LIG1: variants seen among roughly 807,000 people sequenced by gnomAD.
The protein encoded by LIG1 is DNA ligase 1.
Under a neutral mutation model 115.7 loss-of-function variants are expected in LIG1, and 70 were observed. The ratio of observed to expected loss-of-function variants is 0.60; its 90% CI spans 0.50 to 0.74. The LOEUF is 0.74. Ranked by LOEUF, LIG1 falls within the 30% of genes least tolerant of loss-of-function variation. The pLI, the probability that LIG1 is intolerant of heterozygous loss-of-function variation, is 0.00. For missense variants in LIG1, 1,115 were observed against 1,225.6 expected (o/e 0.91, Z 1.35); for synonymous variants, 487 against 495.3 (o/e 0.98, Z 0.22).
intron 5 of LIG1, 185 bp from the exon 6 acceptor site, chr19:48,154,152 C>A: frequency 3.1e-6 from 2 of 644,530 alleles, no homozygotes; most frequent in South Asian, 3.2e-5. Flanking sequence ...GGCTGTGTGA[C>A]CTTGGGCAGG....
At chr19:48,128,088 G>A in intron 19 of LIG1, 68 bp from the exon 20 acceptor site, 1 of 1,230,292 alleles carries the variant, frequency 8.1e-7, no homozygotes, top group South Asian at 1.2e-5. Flanking sequence ...ACAAACACGG[G>A]GAGATAAATT....
intron 4 of LIG1, among the ~76,000 whole-genome samples, chr19:48,157,898 T>G (rs1299640245): frequency 6.6e-6 from 1 of 152,190 alleles, no homozygotes; most frequent in African/African-American, 2.4e-5. Flanking sequence ...TGTTGCAATT[T>G]GGTCTCCAAT....
intron 5 of LIG1, among the ~76,000 whole-genome samples, chr19:48,156,724 C>T (rs1211380217): frequency 4.6e-5 from 7 of 151,760 alleles, no homozygotes; most frequent in Non-Finnish European, 1.0e-4. Flanking sequence ...AGGCGGATCA[C>T]GAGGTCAGGA....
At chr19:48,133,956 TG>T in intron 17 of LIG1, 24 bp downstream of exon 17, 1 of 1,545,034 alleles carries the variant, frequency 6.5e-7, no homozygotes, top group Non-Finnish European at 8.8e-7. Context: ...GCTGCCAGGC[TG>T]GTGAGCGCCC....
At chr19:48,165,476 T>C in intron 2 of LIG1, 74 bp downstream of exon 2, 2 of 1,212,640 alleles carry the variant, frequency 1.6e-6, no homozygotes, top group East Asian at 2.3e-5. Flanking sequence ...TGTTTGTTTT[T>C]TTAAGTACAG....
rs747665726 is a variant in LIG1 at position 48,128,015 on chromosome 19, T to C, written c.1827A>G (p.Lys609=). 3.1e-6 allele frequency: 5 copies of C among 1,613,050 alleles called. No individual in the cohort carries two copies. The South Asian group carries it at 5.5e-5, about 18-fold the overall frequency. The stretch of plus-strand genomic sequence containing the variant: ...GGATGAAGGATGTGACCGATGGGAG[T>C]TTAATCTGAAAAGTGAAGGGAGAGA... The part of the protein sequence containing the change: ...PDIISRIPKI[K]LPSVTSFILD... The change falls in exon 20 of 28, where the codon AAA becomes AAG. Residue 609 remains lysine, a synonymous_variant. Coordinates refer to ENST00000263274, the MANE Select transcript of LIG1 (RefSeq NM_000234.3).
intron 20 of LIG1, 91 bp downstream of exon 20, chr19:48,127,819 C>A: frequency 1.9e-6 from 2 of 1,064,320 alleles, no homozygotes; most frequent in Non-Finnish European, 2.9e-6. Flanking sequence ...ACACTCTGCC[C>A]TTCTGGGCAC....
At position 48,115,572 on chromosome 19, in the gene LIG1, C is replaced by T. The variant is rs891303773; in HGVS notation, c.*77G>A. On this transcript the variant is annotated 3_prime_UTR_variant, in exon 28 of 28. Transcript: ENST00000263274. ...TCCACAGCCTGCCACAGCAGATTTG[C>T]TAAAAAGCAAAGGCAATAATAACCC... 4.4e-6 allele frequency: 5 copies of T among 1,131,162 alleles called. No homozygotes were observed. The highest frequency in any genetic ancestry group is 2.0e-4 in the Middle Eastern group (1 of 5,098). 70.1% of individuals were successfully genotyped at this position (1,131,162 alleles called of 1,614,324 possible). A position where few individuals can be genotyped will look rare whatever the true frequency, so the allele number is the denominator to read the frequency against.
intron 11 of LIG1, 123 bp from the exon 12 acceptor site, chr19:48,140,266 G>A (rs970224460): frequency 1.9e-5 from 13 of 697,586 alleles, no homozygotes; most frequent in South Asian, 1.2e-4. Context: ...AAAGGGCTCA[G>A]AACAGTCCCA....
intron 21 of LIG1, 158 bp downstream of exon 21, chr19:48,127,119 G>C (rs2033722454): frequency 2.9e-6 from 2 of 682,136 alleles, no homozygotes; most frequent in South Asian, 1.5e-5. Flanking sequence ...AGGAACCTCA[G>C]GGGTCCTCAG....
chr19:48,144,960 AG>A (rs1265688612), intron 9 of LIG1, among the ~76,000 whole-genome samples: 1 of 151,882 alleles, frequency 6.6e-6, no homozygotes, highest in African/African-American at 2.4e-5. Context: ...CGCCCAGGCT[AG>A]AGTGCAGTGG....
chr19:48,126,599 CTT>C (rs934799617), intron 21 of LIG1, among the ~76,000 whole-genome samples: 13 of 143,172 alleles, frequency 9.1e-5, no homozygotes, highest in African/African-American at 3.2e-4. Context: ...GAGCAAGACT[CTT>C]ATCTCAAAAA....
Position 48,150,075 on chromosome 19 carries a change from A to C in LIG1, c.697+13T>G. 6.2e-7 allele frequency: 1 copy of C among 1,614,110 alleles called. No homozygotes were observed. Among genetic ancestry groups the C allele is most frequent in the Non-Finnish European group, 8.5e-7 (1 of 1,180,002 alleles). On this transcript the variant is annotated intron_variant, in intron 8 of 27. Transcript: ENST00000263274. ...TACAACCCCGGGAGGTGGGGTGAGC[A>C]AGGGAAACTCACTGAAGAAGCTGCT...
chr19:48,157,080 T>C lies in LIG1; in HGVS notation c.304A>G (p.Asn102Asp). The stretch of plus-strand genomic sequence containing the variant: ...GGAGAGGTGTCAGAGAGGGAAGCAT[T>C]GTTCTCAGGAGATGTGGCAGGACGG... ...PPRPATSPENNASLSDTSPMD... is the reference protein window; with the variant it reads ...PPRPATSPENDASLSDTSPMD... The change falls in exon 5 of 28, where the codon AAT (asparagine) becomes GAT (aspartate). Residue 102 changes from asparagine (N) to aspartate (D), a missense_variant. By Grantham distance (23) the Asn-to-Asp change is conservative. Coordinates refer to ENST00000263274, the MANE Select transcript of LIG1 (RefSeq NM_000234.3). 1 of 1,613,072 alleles carries C rather than the reference T, an allele frequency of 6.2e-7. No individual in the cohort carries two copies. The highest frequency in any genetic ancestry group is 1.1e-5 in the South Asian group (1 of 91,066).
chr19:48,165,486 G>T, intron 2 of LIG1, 64 bp downstream of exon 2: 1 of 1,260,470 alleles, frequency 7.9e-7, no homozygotes, highest in Non-Finnish European at 1.2e-6. Flanking sequence ...TTTAAGTACA[G>T]ATTTAGAGAA....
At chr19:48,121,573 G>T (rs374767055) in intron 23 of LIG1, among the ~76,000 whole-genome samples, 1 of 152,098 alleles carries the variant, frequency 6.6e-6, no homozygotes, top group Non-Finnish European at 1.5e-5. Context: ...AGGCCGAGGC[G>T]GGTGGATCAC....
chr19:48,133,072 G>A lies in LIG1; in HGVS notation c.1635C>T (p.Ala545=), dbSNP rs1022830495. Residue 545 remains alanine (A), a synonymous_variant, in exon 18 of 28, where the codon GCC becomes GCT. Transcript: ENST00000263274. ...CCTCGCTGATGCCCCGGGTGGGATGGGCCAACATTGGTTTCAGGGGAATCC... is the reference window on the plus strand; with the variant it reads ...CCTCGCTGATGCCCCGGGTGGGATGAGCCAACATTGGTTTCAGGGGAATCC... ...SPGIPLKPML[A]HPTRGISEVL... 1.2e-6 allele frequency: 2 copies of A among 1,613,804 alleles called. No homozygotes were observed.
At position 48,115,729 on chromosome 19, in the gene LIG1, C is replaced by A. The variant is rs2032751350; in HGVS notation, c.2680G>T (p.Ala894Ser). 6.2e-7 allele frequency: 1 copy of A among 1,613,682 alleles called. No individual in the cohort carries two copies. Among genetic ancestry groups the A allele is most frequent in the Non-Finnish European group, 8.5e-7 (1 of 1,179,564 alleles). The part of the protein sequence containing the change: ...PEQATTSAQV[A>S]CLYRKQSQIQ... Reference sequence around the variant, plus strand: ...TGACTTTGCTTCCGGTACAAACAGGCCACCTGCGGAGAGAGGGTGGGACGG... The same window carrying A: ...TGACTTTGCTTCCGGTACAAACAGGACACCTGCGGAGAGAGGGTGGGACGG... The change falls in exon 28 of 28, where the codon GCC (alanine) becomes TCC (serine). Residue 894 changes from alanine to serine, a missense_variant. Coordinates refer to ENST00000263274, the MANE Select transcript of LIG1 (RefSeq NM_000234.3).
Position 48,137,205 on chromosome 19 carries a change from C to G in LIG1, c.1255-121G>C. ...CTGCCCTCCTTCCCTCACCCCATCCCCATGTCCCAGCTCCCATGGCCGCCC... is the reference window on the plus strand; with the variant it reads ...CTGCCCTCCTTCCCTCACCCCATCCGCATGTCCCAGCTCCCATGGCCGCCC... On this transcript the variant is annotated intron_variant, in intron 13 of 27. Transcript: ENST00000263274. The surrounding 1 kb of genome is among the most constrained non-coding windows in gnomAD (Gnocchi z 4.3). 2.3e-6 allele frequency: 2 copies of G among 886,248 alleles called. No homozygotes were observed. The highest frequency in any genetic ancestry group is 4.0e-5 in the Admixed American group (2 of 49,742). 54.9% of individuals were successfully genotyped at this position (886,248 alleles called of 1,614,324 possible).
Sources: allele counts gnomAD v4.1 joint callset (sites outside exome capture counted in the v4.1 genomes callset), GRCh38; gene constraint gnomAD v4.1.1; non-coding constraint Gnocchi (gnomAD v3.1); transcripts MANE v1.5; gene names NCBI Gene and HGNC (gene_info 2026-07-23, HGNC 2026-07-21).